Variants in LONP2 observed in about 807,000 individuals in gnomAD.
LONP2 encodes the protein lon protease homolog 2, peroxisomal.
Under a neutral mutation model 85.6 loss-of-function variants are expected in LONP2, and 60 were observed. The observed-to-expected ratio is 0.70, with a 90% confidence interval of 0.57 to 0.87. The LOEUF (loss-of-function observed/expected upper bound fraction) is 0.87, where lower values mean the gene tolerates loss of function less well. LONP2 is among the 40% of genes least tolerant of loss of function. The pLI, the probability that LONP2 is intolerant of heterozygous loss-of-function variation, is 0.00. For synonymous variants in LONP2, 395 were observed against 389.7 expected (o/e 1.01, Z -0.16); for missense variants, 860 against 1,063.5 (o/e 0.81, Z 2.66).
At chr16:48,279,974 A>G (rs1972292302) in intron 8 of LONP2, among the ~76,000 whole-genome samples, 2 of 152,128 alleles carry the variant, frequency 1.3e-5, no homozygotes, top group Admixed American at 1.3e-4. Context: ...GTTTATGCCT[A>G]ATATTAATTG....
intron 6 of LONP2, among the ~76,000 whole-genome samples, chr16:48,265,080 T>C (rs909467183): frequency 6.6e-6 from 1 of 152,220 alleles, no homozygotes; most frequent in Admixed American, 6.5e-5. Flanking sequence ...TTTTTGCCGT[T>C]AAGTTTCATG....
chr16:48,346,428 T>C (rs1354186810), intron 12 of LONP2, among the ~76,000 whole-genome samples: 1 of 152,126 alleles, frequency 6.6e-6, no homozygotes, highest in African/African-American at 2.4e-5. Context: ...TCAACTATGC[T>C]CCTAGTCTCA....
rs1378383528 is a variant in LONP2, at chr16:48,354,650, A to AGTT, written c.*2851_*2853dup. 7 of 152,238 alleles carry AGTT rather than the reference A, an allele frequency of 4.6e-5. No individual in the cohort carries two copies. The highest frequency in any genetic ancestry group is 1.3e-4 in the Admixed American group (2 of 15,280). 9.4% of individuals were successfully genotyped at this position (152,238 alleles called of 1,614,324 possible). ...CTTCATATGAGTGGGATCAAACAAG[A>AGTT]GTTGTCCTTTTGTGTTTAGCATTCT... On this transcript the variant is annotated 3_prime_UTR_variant, in exon 15 of 15. Transcript: ENST00000285737.
At chr16:48,285,383 A>G (rs1464453007) in intron 8 of LONP2, among the ~76,000 whole-genome samples, 2 of 151,968 alleles carry the variant, frequency 1.3e-5, no homozygotes, top group Non-Finnish European at 2.9e-5. Context: ...TTTTTCATCA[A>G]ATTTGAGAAG....
chr16:48,266,467 C>A (rs75228279), intron 6 of LONP2, among the ~76,000 whole-genome samples: 2,080 of 152,060 alleles, frequency 0.014, 47 homozygotes, highest in African/African-American at 0.047. Context: ...GAGCATAACC[C>A]TCACCTCCAA....
At position 48,338,619 on chromosome 16, in the gene LONP2, A is replaced by G. The variant is rs1015565496; in HGVS notation, c.1938+4261A>G. 3.3e-5 allele frequency among the ~76,000 whole-genome samples: 5 copies of G among 152,182 alleles called. No homozygotes were observed. The South Asian group carries it at 6.2e-4, about 19-fold the overall frequency. On this transcript the variant is annotated intron_variant, in intron 12 of 14. Coordinates refer to ENST00000285737, the MANE Select transcript of LONP2 (RefSeq NM_031490.5). ...CTCTTTTGAACACATTACAGTTGAA[A>G]TATCCAGGCTGGGCGCGGTGGCTCA...
Position 48,353,157 on chromosome 16 carries a change from T to C in LONP2, c.*1355T>C, listed in dbSNP as rs1960202985. 2 of 152,208 alleles carry C rather than the reference T, an allele frequency of 1.3e-5. No individual in the cohort carries two copies. The highest frequency in any genetic ancestry group is 2.1e-4 in the South Asian group (1 of 4,828). 9.4% of individuals were successfully genotyped at this position (152,208 alleles called of 1,614,324 possible). On this transcript the variant is annotated 3_prime_UTR_variant, in exon 15 of 15. Transcript: ENST00000285737. Reference sequence around the variant, plus strand: ...AGCCAGTAATGGACTTCAGAATCTTTTATTACACAATATAAGAATATGTAT... The same window carrying C: ...AGCCAGTAATGGACTTCAGAATCTTCTATTACACAATATAAGAATATGTAT...
chr16:48,288,528 G>A (rs909207281), intron 8 of LONP2, among the ~76,000 whole-genome samples: 2 of 152,174 alleles, frequency 1.3e-5, no homozygotes, highest in African/African-American at 4.8e-5. Flanking sequence ...AGACCAAACA[G>A]AAATTTATTT....
chr16:48,304,933 C>T (rs1352429197), intron 11 of LONP2, among the ~76,000 whole-genome samples: 2 of 152,122 alleles, frequency 1.3e-5, no homozygotes, highest in Non-Finnish European at 2.9e-5. Context: ...ATTAAAGAAC[C>T]ATAATTTATG....
intron 11 of LONP2, among the ~76,000 whole-genome samples, chr16:48,305,670 CTT>C (rs1303053117): frequency 6.6e-6 from 1 of 152,104 alleles, no homozygotes; most frequent in African/African-American, 2.4e-5. Flanking sequence ...CTTTTGTAGA[CTT>C]TTAGGACCCA....
In LONP2 at chr16:48,351,843, C is replaced by G. The variant is rs1379494160; in HGVS notation, c.*41C>G. The G allele has an allele frequency of 1.3e-6, 2 of 1,495,480 alleles. No individual in the cohort carries two copies. The highest frequency in any genetic ancestry group is 9.3e-7 in the Non-Finnish European group (1 of 1,075,928). 92.6% of individuals were successfully genotyped at this position (1,495,480 alleles called of 1,614,324 possible). A position where few individuals can be genotyped will look rare whatever the true frequency, so the allele number is the denominator to read the frequency against. The stretch of plus-strand genomic sequence containing the variant: ...TTTTAGAATTTTAAGTTATGAAGTG[C>G]TCAAAGGTACTGACACAGTTGATTT... On this transcript the variant is annotated 3_prime_UTR_variant, in exon 15 of 15. Coordinates refer to ENST00000285737, the MANE Select transcript of LONP2 (RefSeq NM_031490.5).
chr16:48,253,514 A>G (rs1359380227), intron 2 of LONP2, among the ~76,000 whole-genome samples: 2 of 152,218 alleles, frequency 1.3e-5, no homozygotes, highest in East Asian at 1.9e-4. Context: ...TGTAATTTCT[A>G]TATGGGCTGA....
chr16:48,320,108 C>T (rs558225007), intron 11 of LONP2, among the ~76,000 whole-genome samples: 7 of 145,600 alleles, frequency 4.8e-5, no homozygotes, highest in Admixed American at 7.1e-5. Flanking sequence ...TGCAGTGAGC[C>T]GAGATCACGC....
chr16:48,262,175 A>C (rs1192854213), intron 5 of LONP2, among the ~76,000 whole-genome samples: 4 of 152,216 alleles, frequency 2.6e-5, no homozygotes, highest in African/African-American at 9.6e-5. Flanking sequence ...TATTATGTGC[A>C]GAACACTTTG....
At chr16:48,297,485 T>C (rs1972698393) in intron 9 of LONP2, among the ~76,000 whole-genome samples, 1 of 151,984 alleles carries the variant, frequency 6.6e-6, no homozygotes, top group Admixed American at 6.6e-5. Flanking sequence ...AATTTTTGCA[T>C]TGTTAGTAGG....
intron 8 of LONP2, among the ~76,000 whole-genome samples, chr16:48,290,337 G>A (rs1191687834): frequency 1.3e-5 from 2 of 152,130 alleles, no homozygotes; most frequent in African/African-American, 2.4e-5. Flanking sequence ...AAATGCACGG[G>A]TTTTTTCTCC....
intron 11 of LONP2, among the ~76,000 whole-genome samples, chr16:48,319,035 G>A (rs1005095405): frequency 2.7e-5 from 4 of 150,292 alleles, no homozygotes; most frequent in African/African-American, 7.4e-5. Flanking sequence ...TCTCGTCTAC[G>A]GCCATGAGTG....
rs188581099 is a variant in LONP2 at position 48,254,289 on chromosome 16, A to G, written c.468+1924A>G. Among the ~76,000 whole-genome samples the G allele has an allele frequency of 2.2e-4, 34 of 152,106 alleles. No individual in the cohort carries two copies. The East Asian group carries it at 5.8e-3, about 26-fold the overall frequency. ...GTTCTAGCTCTACTGAATGTAAAAC[A>G]GCTTCACATTGAGTTATTTTATGTC... On this transcript the variant is annotated intron_variant, in intron 2 of 14. Transcript: ENST00000285737.
At chr16:48,277,830 C>G (rs74810187) in intron 8 of LONP2, among the ~76,000 whole-genome samples, 1 of 151,108 alleles carries the variant, frequency 6.6e-6, no homozygotes, top group Non-Finnish European at 1.5e-5. Flanking sequence ...GCACTTTGAC[C>G]TCTTCAGCTT....
Sources: allele counts gnomAD v4.1 joint callset (sites outside exome capture counted in the v4.1 genomes callset), GRCh38; gene constraint gnomAD v4.1.1; transcripts MANE v1.5; gene names NCBI Gene and HGNC (gene_info 2026-07-23, HGNC 2026-07-21).